The following AFF4 variants were observed in gnomAD, a reference collection of about 807,000 sequenced individuals.
AFF4 encodes the protein AF4/FMR2 family member 4.
Under a neutral mutation model 124.8 loss-of-function variants are expected in AFF4, and 13 were observed. The observed-to-expected ratio is 0.10, with a 90% CI of 0.07 to 0.17. AFF4 has a LOEUF of 0.17. Ranked by LOEUF, AFF4 falls within the 10% of genes least tolerant of loss-of-function variation. The probability of loss-of-function intolerance (pLI) is 1.00; values close to 1 mark genes in which losing one functional copy is unlikely to be tolerated. For missense variants in AFF4, 1,092 were observed against 1,403.8 expected, an observed-to-expected ratio of 0.78 and a Z score of 3.55; for synonymous variants, 477 against 496.1, an observed-to-expected ratio of 0.96 and a Z score of 0.51.
intron 13 of AFF4, among the ~76,000 whole-genome samples, chr5:132,891,514 A>G (rs1351573759): frequency 6.6e-6 from 1 of 152,214 alleles, no homozygotes; most frequent in Non-Finnish European, 1.5e-5. Context: ...CAAATCTCCA[A>G]CTATAAACAT....
intron 1 of AFF4, among the ~76,000 whole-genome samples, chr5:132,955,793 A>ATATAT (rs1386924435): frequency 7.3e-6 from 1 of 136,342 alleles, no homozygotes; most frequent in African/African-American, 2.9e-5. Flanking sequence ...AAAAAAAAAA[A>ATATAT]AAATATATAT....
At position 132,887,669 on chromosome 5, in the gene AFF4, C is replaced by T. The variant is rs1760149359; in HGVS notation, c.2934-77G>A. 2.6e-6 allele frequency: 4 copies of T among 1,531,816 alleles called. No individual in the cohort carries two copies. In the African/African-American group the frequency reaches 4.1e-5, roughly 16 times the overall value. The allele number at this position is 1,531,816 out of a possible 1,614,324, so 94.9% of individuals were successfully genotyped here. A position where few individuals can be genotyped will look rare whatever the true frequency, so the allele number is the denominator to read the frequency against. ...CTTATGATTTCACTTGTCCTCAAAACATTAGAATTTCAAACCTAAATAAAA... is the reference window on the plus strand; with the variant it reads ...CTTATGATTTCACTTGTCCTCAAAATATTAGAATTTCAAACCTAAATAAAA... On this transcript the variant is annotated intron_variant, in intron 16 of 20. Transcript: ENST00000265343.
intron 5 of AFF4, among the ~76,000 whole-genome samples, chr5:132,917,894 T>A (rs866491658): frequency 1.3e-5 from 2 of 150,262 alleles, no homozygotes; most frequent in African/African-American, 2.4e-5. Context: ...TGTATTTTTT[T>A]AGCAGAGATG....
intron 6 of AFF4, chr5:132,904,093 T>C (rs114087725): frequency 0.019 from 6,386 of 338,348 alleles, 351 homozygotes; most frequent in African/African-American, 0.12. Context: ...CTATCTCTAC[T>C]AAAAATTTAA....
intron 13 of AFF4, 115 bp downstream of exon 13, chr5:132,892,049 A>AGT: frequency 7.5e-7 from 1 of 1,335,996 alleles, no homozygotes; most frequent in East Asian, 2.3e-5. Context: ...GGTAAAAGAC[A>AGT]TAGGCCTATA....
intron 5 of AFF4, among the ~76,000 whole-genome samples, chr5:132,921,295 T>A (rs1404075396): frequency 2.0e-5 from 3 of 151,982 alleles, no homozygotes; most frequent in Non-Finnish European, 4.4e-5. Context: ...AAATGTAAAT[T>A]GAAATCACAA....
chr5:132,896,245 A>C, intron 11 of AFF4, 78 bp downstream of exon 11: 1 of 1,488,308 alleles, frequency 6.7e-7, no homozygotes, highest in Non-Finnish European at 9.0e-7. Context: ...CCACCTTGTT[A>C]CTTTGTGGCT....
chr5:132,951,615 C>T (rs1761844115), intron 1 of AFF4, among the ~76,000 whole-genome samples: 1 of 152,162 alleles, frequency 6.6e-6, no homozygotes, highest in Admixed American at 6.5e-5. Flanking sequence ...GCAACCTCCA[C>T]ATCCCAGGTT....
intron 11 of AFF4, among the ~76,000 whole-genome samples, chr5:132,893,833 A>G (rs1219048319): frequency 2.6e-5 from 4 of 152,186 alleles, no homozygotes; most frequent in African/African-American, 9.6e-5. Context: ...ACCCATTAGT[A>G]GTCACTCCCC....
intron 2 of AFF4, among the ~76,000 whole-genome samples, chr5:132,936,718 C>G (rs1054231609): frequency 6.6e-6 from 1 of 152,154 alleles, no homozygotes; most frequent in African/African-American, 2.4e-5. Context: ...ATGTATGAGC[C>G]AACTCAGACC....
intron 17 of AFF4, among the ~76,000 whole-genome samples, chr5:132,886,855 A>AG (rs1760131744): frequency 6.6e-6 from 1 of 152,166 alleles, no homozygotes. Context: ...GTCTTCTTTT[A>AG]GTTCCTTGAA....
At chr5:132,950,366 C>T (rs1388670870) in intron 1 of AFF4, among the ~76,000 whole-genome samples, 1 of 152,126 alleles carries the variant, frequency 6.6e-6, no homozygotes, top group African/African-American at 2.4e-5. Flanking sequence ...TCCCAGCTAC[C>T]TGGGAGGCTG....
intron 4 of AFF4, among the ~76,000 whole-genome samples, chr5:132,930,397 AAAG>A (rs1256120559): frequency 2.6e-5 from 4 of 152,202 alleles, no homozygotes; most frequent in African/African-American, 9.7e-5. Flanking sequence ...ACAGTCAAGG[AAAG>A]AAGAATGTTT....
At chr5:132,889,353 A>G (rs1011896415) in intron 13 of AFF4, among the ~76,000 whole-genome samples, 180 bp from the exon 14 acceptor site, 2 of 152,146 alleles carry the variant, frequency 1.3e-5, no homozygotes, top group Non-Finnish European at 2.9e-5. Flanking sequence ...AAAAGGGTCC[A>G]TTTTATATAA....
intron 5 of AFF4, among the ~76,000 whole-genome samples, chr5:132,907,835 G>A (rs958501771): frequency 5.9e-5 from 9 of 152,098 alleles, no homozygotes; most frequent in African/African-American, 1.9e-4. Context: ...AGCCCACAGA[G>A]AGGAAAAAGT....
intron 5 of AFF4, among the ~76,000 whole-genome samples, chr5:132,908,909 T>C (rs1760731223): frequency 6.6e-6 from 1 of 151,140 alleles, no homozygotes. Flanking sequence ...TAGCTGGGAT[T>C]ACAGGCACCT....
intron 11 of AFF4, 52 bp from the exon 12 acceptor site, chr5:132,893,170 T>G: frequency 1.4e-6 from 2 of 1,452,124 alleles, no homozygotes; most frequent in East Asian, 2.3e-5. Flanking sequence ...TAACTTCAGC[T>G]TCCAGCACTA....
At chr5:132,955,849 A>G (rs1761945079) in intron 1 of AFF4, among the ~76,000 whole-genome samples, 1 of 146,478 alleles carries the variant, frequency 6.8e-6, no homozygotes, top group South Asian at 2.1e-4. Context: ...ATATACATGT[A>G]TTACATAGAT....
At chr5:132,903,552 T>C (rs1309224778) in intron 6 of AFF4, among the ~76,000 whole-genome samples, 1 of 152,164 alleles carries the variant, frequency 6.6e-6, no homozygotes, top group Non-Finnish European at 1.5e-5. Flanking sequence ...ACAACCACAA[T>C]CTCTTGGGAC....
Sources: gnomAD v4.1 joint callset for allele counts (sites outside exome capture counted in the v4.1 genomes callset) on GRCh38, gnomAD v4.1.1 for gene constraint, MANE v1.5 for transcripts, NCBI Gene and HGNC (gene_info 2026-07-23, HGNC 2026-07-21) for gene names.